GLCCI1: variants seen among roughly 807,000 people sequenced by gnomAD.
GLCCI1 encodes glucocorticoid induced 1, also known as glucocorticoid-induced transcript 1 protein.
GLCCI1 carries 24 observed loss-of-function variants against 52.2 expected under a neutral mutation model. The ratio of observed to expected loss-of-function variants is 0.46; its 90% CI spans 0.33 to 0.65. The LOEUF (loss-of-function observed/expected upper bound fraction) is 0.65, where lower values mean the gene tolerates loss of function less well. Among genes scored for constraint, GLCCI1 ranks in the 30% least tolerant of loss-of-function variants. GLCCI1 has a pLI of 0.02. For synonymous variants in GLCCI1, 310 were observed against 276.5 expected, an observed-to-expected ratio of 1.12 and a Z score of -1.20; for missense variants, 704 against 701.5, an observed-to-expected ratio of 1.00 and a Z score of -0.04.
At chr7:7,997,170 C>T (rs1388921669) in intron 1 of GLCCI1, among the ~76,000 whole-genome samples, 1 of 152,006 alleles carries the variant, frequency 6.6e-6, no homozygotes, top group South Asian at 2.1e-4. Flanking sequence ...TACCAGTCAC[C>T]TTTCCATATC....
intron 1 of GLCCI1, among the ~76,000 whole-genome samples, chr7:8,000,654 CAG>C (rs1284795172): frequency 1.7e-4 from 26 of 151,724 alleles, no homozygotes; most frequent in Admixed American, 1.7e-3. Context: ...TGTAAATTAA[CAG>C]AAAGAAAGCA....
At chr7:8,070,222 T>G (rs1782726360) in intron 5 of GLCCI1, 2 of 152,214 alleles carry the variant, frequency 1.3e-5, no homozygotes, top group African/African-American at 4.8e-5. Context: ...TGGTTTCCTT[T>G]TTTTCCTTCT....
intron 5 of GLCCI1, among the ~76,000 whole-genome samples, chr7:8,067,154 T>C (rs2127963229): frequency 6.6e-6 from 1 of 152,360 alleles, no homozygotes; most frequent in Middle Eastern, 3.4e-3. Context: ...TCTTTTTTGA[T>C]ATTTGTTGGT....
chr7:7,976,953 A>G (rs769675991), intron 1 of GLCCI1, among the ~76,000 whole-genome samples: 6 of 151,868 alleles, frequency 4.0e-5, no homozygotes, highest in Non-Finnish European at 7.4e-5. Context: ...AAATCCACCA[A>G]CCATCTAGAT....
intron 3 of GLCCI1, among the ~76,000 whole-genome samples, chr7:8,031,857 G>T (rs1429956913): frequency 6.6e-6 from 1 of 151,852 alleles, no homozygotes; most frequent in African/African-American, 2.4e-5. Context: ...AAATAGGAAA[G>T]TTTCATAATA....
At chr7:8,059,389 A>G (rs934065909) in intron 4 of GLCCI1, among the ~76,000 whole-genome samples, 5 of 152,198 alleles carry the variant, frequency 3.3e-5, no homozygotes, top group African/African-American at 9.7e-5. Flanking sequence ...TCAGTGTAAG[A>G]TAGAGGTCAT....
intron 1 of GLCCI1, among the ~76,000 whole-genome samples, chr7:7,975,873 T>C (rs564760484): frequency 6.6e-4 from 100 of 152,328 alleles, no homozygotes; most frequent in Admixed American, 1.9e-3. Flanking sequence ...TTCTTGTGTG[T>C]ATTCAGAATC....
In GLCCI1 at chr7:8,003,963, C is replaced by G. The variant is rs958739576; in HGVS notation, c.513C>G (p.Ser171=). 11 of 1,613,698 alleles carry G rather than the reference C, an allele frequency of 6.8e-6. No homozygotes were observed. The Admixed American group carries it at 1.8e-4, about 27-fold the overall frequency. Residue 171 remains serine, a synonymous_variant, in exon 2 of 8, where the codon TCC becomes TCG. Coordinates refer to ENST00000223145, the MANE Select transcript of GLCCI1 (RefSeq NM_138426.4). ...VRTSSTIRRT[S]SLDTITGPYL... ...CCTCTAGTACAATAAGGCGAACCTC[C>G]TCTTTGGATACAATAACAGGACCTT... is the stretch of plus-strand genomic sequence containing the variant.
At chr7:8,023,790 G>T (rs1469334334) in intron 3 of GLCCI1, among the ~76,000 whole-genome samples, 3 of 151,032 alleles carry the variant, frequency 2.0e-5, no homozygotes, top group Admixed American at 1.3e-4. Context: ...GTAGAGATGG[G>T]GTTTTGCCAT....
At chr7:8,039,996 CAAAA>C (rs58721575) in intron 3 of GLCCI1, among the ~76,000 whole-genome samples, 3 of 116,966 alleles carry the variant, frequency 2.6e-5, no homozygotes, top group Admixed American at 8.5e-5. Context: ...GACTCTGTCT[CAAAA>C]AAAAAAAAAA....
intron 4 of GLCCI1, among the ~76,000 whole-genome samples, chr7:8,058,188 A>T (rs1336817330): frequency 6.6e-6 from 1 of 152,190 alleles, no homozygotes; most frequent in African/African-American, 2.4e-5. Flanking sequence ...ATGATGAAAA[A>T]TACAAAATGC....
intron 1 of GLCCI1, chr7:7,980,357 A>G (rs986986165): frequency 6.9e-5 from 13 of 187,830 alleles, no homozygotes; most frequent in South Asian, 5.7e-4. Context: ...GTGGTTGTCA[A>G]TTTGCACACT....
intron 4 of GLCCI1, among the ~76,000 whole-genome samples, chr7:8,057,380 G>T (rs1310241322): frequency 6.6e-6 from 1 of 152,070 alleles, no homozygotes; most frequent in Non-Finnish European, 1.5e-5. Flanking sequence ...AAAATGGAAG[G>T]AACTACTGAT....
chr7:8,045,239 C>G (rs1782094354), intron 3 of GLCCI1, among the ~76,000 whole-genome samples: 1 of 152,112 alleles, frequency 6.6e-6, no homozygotes, highest in African/African-American at 2.4e-5. Context: ...AGGATGAGAA[C>G]CAACCCTGGA....
intron 1 of GLCCI1, among the ~76,000 whole-genome samples, chr7:7,975,476 G>T (rs1165954811): frequency 1.3e-5 from 2 of 152,208 alleles, no homozygotes; most frequent in Non-Finnish European, 2.9e-5. Flanking sequence ...GATTTAGGAT[G>T]TGGATCTTCT....
chr7:8,088,718 C>T lies in GLCCI1; in HGVS notation c.*2180C>T, dbSNP rs754253231. On this transcript the variant is annotated 3_prime_UTR_variant, in exon 8 of 8. Transcript: ENST00000223145. ...TTTTTTGGTGATGAAATCTCATGTA[C>T]GATATTTATAGTGATGTGCTTTTAT... is the stretch of plus-strand genomic sequence containing the variant. The T allele has an allele frequency of 2.6e-5, 4 of 152,450 alleles. No individual in the cohort carries two copies. Among genetic ancestry groups the T allele is most frequent in the Non-Finnish European group, 4.4e-5 (3 of 68,002 alleles). The allele number at this position is 152,450 out of a possible 1,614,324, so 9.4% of individuals were successfully genotyped here. A position where few individuals can be genotyped will look rare whatever the true frequency, so the allele number is the denominator to read the frequency against.
At chr7:7,970,660 C>T (rs1222063887) in intron 1 of GLCCI1, among the ~76,000 whole-genome samples, 1 of 152,054 alleles carries the variant, frequency 6.6e-6, no homozygotes, top group East Asian at 1.9e-4. Context: ...CTGTGGGTTT[C>T]CCTTAGTGTT....
intron 3 of GLCCI1, among the ~76,000 whole-genome samples, chr7:8,034,385 A>C (rs914653182): frequency 6.6e-6 from 1 of 152,198 alleles, no homozygotes; most frequent in Non-Finnish European, 1.5e-5. Flanking sequence ...CTTCAATAAA[A>C]TTAACACTTA....
At chr7:8,057,756 G>A (rs1461524639) in intron 4 of GLCCI1, among the ~76,000 whole-genome samples, 1 of 152,004 alleles carries the variant, frequency 6.6e-6, no homozygotes, top group African/African-American at 2.4e-5. Context: ...TTAACATATT[G>A]TTTGTTTCAG....
Sources: gnomAD v4.1 joint callset for allele counts (sites outside exome capture counted in the v4.1 genomes callset) on GRCh38, gnomAD v4.1.1 for gene constraint, MANE v1.5 for transcripts, NCBI Gene and HGNC (gene_info 2026-07-23, HGNC 2026-07-21) for gene names.